SMAD7: variants seen among roughly 807,000 people sequenced by gnomAD.
SMAD7 encodes the protein MAD (mothers against decapentaplegic, Drosophila) homolog 7.
In SMAD7, 8 loss-of-function variants were observed where a neutral mutation model predicts 38.7. That is an observed-to-expected ratio of 0.21 (90% CI 0.12 to 0.37). The LOEUF (loss-of-function observed/expected upper bound fraction) is 0.37. SMAD7 is among the 10% of genes least tolerant of loss of function. The pLI is 1.00. For missense variants in SMAD7, 477 were observed against 577.9 expected (o/e 0.83, Z 1.79); for synonymous variants, 327 against 265.1 (o/e 1.23, Z -2.27).
chr18:48,947,223 C>G lies in SMAD7; in HGVS notation c.667+1161G>C, dbSNP rs141080613. 9.8e-5 allele frequency among the ~76,000 whole-genome samples: 15 copies of G among 152,328 alleles called. No homozygotes were observed. In the East Asian group the frequency reaches 2.9e-3, roughly 29 times the overall value. On this transcript the variant is annotated intron_variant, in intron 2 of 3. Transcript: ENST00000262158. ...CTTTGCGGGCCACTTATTAGACCGG[C>G]ACCAGGCAAGCAGGAACGCCTTCCC...
intron 1 of SMAD7, among the ~76,000 whole-genome samples, chr18:48,949,044 G>A (rs2070230609): frequency 6.6e-6 from 1 of 152,220 alleles, no homozygotes; most frequent in Non-Finnish European, 1.5e-5. Context: ...GGAGTTTCAG[G>A]GTCTCAGCCG....
intron 3 of SMAD7, among the ~76,000 whole-genome samples, chr18:48,936,077 A>AACACACAC (rs74174732): frequency 1.3e-5 from 1 of 79,480 alleles, no homozygotes; most frequent in Admixed American, 1.6e-4. Context: ...TCCATCTCAA[A>AACACACAC]ACACACACAC....
intron 3 of SMAD7, among the ~76,000 whole-genome samples, chr18:48,926,484 C>T (rs149442548): frequency 7.2e-4 from 110 of 152,374 alleles, no homozygotes; most frequent in African/African-American, 2.5e-3. Flanking sequence ...AGTGATATTC[C>T]TCTGCCAAAG....
chr18:48,937,264 ATGTGTGTGTGTGTGTGTGTGTG>A (rs71165354), intron 3 of SMAD7, among the ~76,000 whole-genome samples: 1 of 119,778 alleles, frequency 8.3e-6, no homozygotes, highest in Non-Finnish European at 1.7e-5. Flanking sequence ...AAGTAAAGGC[ATGTGTGTGTGTGTGTGTGTGTG>A]TGTGTGTGTG....
intron 3 of SMAD7, among the ~76,000 whole-genome samples, chr18:48,927,370 G>A (rs556448889): frequency 2.6e-5 from 4 of 152,180 alleles, no homozygotes; most frequent in Non-Finnish European, 4.4e-5. Flanking sequence ...GGACTTGGGG[G>A]TGGGCAGGGG....
At chr18:48,937,251 G>A in intron 3 of SMAD7, among the ~76,000 whole-genome samples, 1 of 140,622 alleles carries the variant, frequency 7.1e-6, no homozygotes, top group East Asian at 2.1e-4. Flanking sequence ...GTCAGGCTTT[G>A]CTAAGTAAAG....
chr18:48,945,544 C>T (rs1241263081), intron 2 of SMAD7, among the ~76,000 whole-genome samples: 1 of 152,146 alleles, frequency 6.6e-6, no homozygotes, highest in African/African-American at 2.4e-5. Context: ...AATGACTGAA[C>T]CAATGAATGA....
intron 2 of SMAD7, 157 bp from the exon 3 acceptor site, chr18:48,942,712 T>C (rs919285675): frequency 1.1e-4 from 161 of 1,517,670 alleles, no homozygotes; most frequent in Non-Finnish European, 1.3e-4. Flanking sequence ...CTGCTCAGGC[T>C]TCACTGCCCA....
Position 48,921,032 on chromosome 18 carries a change from A to ACT in SMAD7, c.*339_*340insAG, listed in dbSNP as rs2069851660. On this transcript the variant is annotated 3_prime_UTR_variant, in exon 4 of 4. Transcript: ENST00000262158. The surrounding 1 kb of genome is among the most constrained non-coding windows in gnomAD (Gnocchi z 6.4). The stretch of plus-strand genomic sequence containing the variant: ...CACACAGCCGCACACTCACACTCAC[A>ACT]CACACTCCTGACAAGTGAAATGATG... The ACT allele has an allele frequency of 3.2e-6, 1 of 314,964 alleles. No homozygotes were observed. The highest frequency in any genetic ancestry group is 6.0e-6 in the Non-Finnish European group (1 of 167,798). The allele number at this position is 314,964 out of a possible 1,614,324, so 19.5% of individuals were successfully genotyped here. A position where few individuals can be genotyped will look rare whatever the true frequency, so the allele number is the denominator to read the frequency against.
At chr18:48,947,789 A>G (rs957599650) in intron 2 of SMAD7, among the ~76,000 whole-genome samples, 1 of 152,212 alleles carries the variant, frequency 6.6e-6, no homozygotes, top group African/African-American at 2.4e-5. Context: ...ACAAAGCAGC[A>G]GACAGGCAGA....
intron 1 of SMAD7, 135 bp downstream of exon 1, chr18:48,949,677 A>G (rs2070237901): frequency 3.2e-6 from 3 of 924,082 alleles, no homozygotes; most frequent in Admixed American, 3.3e-5. Context: ...CTCTCCCAGG[A>G]GGGTATGCAC....
chr18:48,950,240 AGGCAGCATCCAGCCCTGCCCG>A lies in SMAD7; in HGVS notation c.164_184del (p.Pro55_Cys61del). 6.6e-7 allele frequency: 1 copy of A among 1,508,904 alleles called. No homozygotes were observed. 93.5% of individuals were successfully genotyped at this position (1,508,904 alleles called of 1,614,324 possible). ...TTTGGCACCTCGCACCGCCTTGCCC[AGGCAGCATCCAGCCCTGCCCG>A]GGCCGCCGCCACCGGCCCCATGCGC... On this transcript the variant is annotated inframe_deletion, in exon 1 of 4. Coordinates refer to ENST00000262158, the MANE Select transcript of SMAD7 (RefSeq NM_005904.4).
rs538666857 is a variant in SMAD7 at position 48,921,985 on chromosome 18, C to G, written c.743-75G>C. ...TCCTAGAATGAAGACACCCGCCCCC[C>G]CACTGCACCCAGTCACCAGCTCATC... On this transcript the variant is annotated intron_variant, in intron 3 of 3. Coordinates refer to ENST00000262158, the MANE Select transcript of SMAD7 (RefSeq NM_005904.4). The surrounding 1 kb of genome is among the most constrained non-coding windows in gnomAD (Gnocchi z 6.4). The G allele has an allele frequency of 9.7e-6, 11 of 1,131,428 alleles. No individual in the cohort carries two copies. The highest frequency in any genetic ancestry group is 7.1e-5 in the East Asian group (3 of 41,988). 70.1% of individuals were successfully genotyped at this position (1,131,428 alleles called of 1,614,324 possible).
chr18:48,948,774 C>A (rs2070226694), intron 1 of SMAD7, among the ~76,000 whole-genome samples: 1 of 152,250 alleles, frequency 6.6e-6, no homozygotes, highest in Non-Finnish European at 1.5e-5. Context: ...GGACTCCAGA[C>A]CCAGCTCCCA....
chr18:48,942,438 A>G (rs1273738874), intron 3 of SMAD7, 43 bp downstream of exon 3: 2 of 1,398,036 alleles, frequency 1.4e-6, no homozygotes, highest in Admixed American at 2.3e-5. Context: ...AGCAATTTCA[A>G]AAAAGGTTGG....
intron 3 of SMAD7, among the ~76,000 whole-genome samples, chr18:48,933,950 G>A (rs1271214274): frequency 2.0e-5 from 3 of 152,336 alleles, no homozygotes; most frequent in East Asian, 1.9e-4. Context: ...AGTGGAGAGC[G>A]GGCCAGCCAC....
chr18:48,945,410 C>T (rs1015691699), intron 2 of SMAD7, among the ~76,000 whole-genome samples: 9 of 151,986 alleles, frequency 5.9e-5, no homozygotes, highest in South Asian at 2.1e-4. Context: ...TGCAGTGAGC[C>T]GAGATCGGGC....
At chr18:48,948,863 C>G (rs1235282221) in intron 1 of SMAD7, among the ~76,000 whole-genome samples, 1 of 152,268 alleles carries the variant, frequency 6.6e-6, no homozygotes, top group Non-Finnish European at 1.5e-5. Context: ...TCGGCACTCG[C>G]GCGGGGGACA....
Position 48,949,899 on chromosome 18 carries a change from T to C in SMAD7, c.526A>G (p.Arg176Gly), listed in dbSNP as rs775286373. ...PDLRHSSEVKRLCCCESYGKI... is the reference protein window; with the variant it reads ...PDLRHSSEVKGLCCCESYGKI... ...CCGTAAGATTCACAGCAACACAGCCTCTTGACTTCCGAGGAATGCCTGAGA... is the reference window on the plus strand; with the variant it reads ...CCGTAAGATTCACAGCAACACAGCCCCTTGACTTCCGAGGAATGCCTGAGA... Residue 176 changes from arginine (R) to glycine (G), a missense_variant, in exon 1 of 4, where the codon AGG (arginine) becomes GGG (glycine). Physicochemically the swap from Arg to Gly is moderately radical, Grantham distance 125. Transcript: ENST00000262158. The C allele has an allele frequency of 1.9e-6, 3 of 1,613,728 alleles. No homozygotes were observed. Among genetic ancestry groups the C allele is most frequent in the East Asian group, 2.2e-5 (1 of 44,826 alleles).
Sources: gnomAD v4.1 joint callset for allele counts (sites outside exome capture counted in the v4.1 genomes callset) on GRCh38, gnomAD v4.1.1 for gene constraint, Gnocchi (gnomAD v3.1) non-coding constraint, MANE v1.5 for transcripts, NCBI Gene and HGNC (gene_info 2026-07-23, HGNC 2026-07-21) for gene names.